The following LINGO2 variants were observed in gnomAD, a reference collection of about 807,000 sequenced individuals.
LINGO2 encodes the protein leucine rich repeat and Ig domain containing 2.
A neutral mutation model predicts 30.6 loss-of-function variants in LINGO2; 14 were observed. That is an observed-to-expected ratio of 0.46 (90% CI 0.30 to 0.72). LINGO2 has a LOEUF of 0.72. Ranked by LOEUF, LINGO2 falls within the 30% of genes least tolerant of loss-of-function variation. The pLI is 0.07. For missense variants in LINGO2, 729 were observed against 751.7 expected, an observed-to-expected ratio of 0.97 and a Z score of 0.35; for synonymous variants, 317 against 288.5, an observed-to-expected ratio of 1.10 and a Z score of -1.00.
At position 28,046,839 on chromosome 9, in the gene LINGO2, C is replaced by T. The variant is rs79411355; in HGVS notation, c.-86-34434G>A. On this transcript the variant is annotated intron_variant, in intron 4 of 5. Transcript: ENST00000379992. Reference sequence around the variant, plus strand: ...CATTGTTGATGTTGATCCACTGGGACTATCACCTTCCATAAACTGACGTGT... The same window carrying T: ...CATTGTTGATGTTGATCCACTGGGATTATCACCTTCCATAAACTGACGTGT... 3.7e-3 allele frequency among the ~76,000 whole-genome samples: 567 copies of T among 152,240 alleles called. 26 individuals are homozygous for T. In the East Asian group the frequency reaches 0.082, roughly 22 times the overall value.
At chr9:28,332,673 T>C (rs1331983526) in intron 3 of LINGO2, among the ~76,000 whole-genome samples, 2 of 151,798 alleles carry the variant, frequency 1.3e-5, no homozygotes, top group Admixed American at 6.6e-5. Context: ...ATCTGACTGG[T>C]TCCTCTCATG....
At chr9:29,183,707 C>T in the LINGO2 span, among the ~76,000 whole-genome samples, 4 of 152,058 alleles carry the variant, frequency 2.6e-5, no homozygotes, top group African/African-American at 4.8e-5. Flanking sequence ...TCCTCTGCTG[C>T]TATTCAATGC....
chr9:28,374,935 G>A (rs572414827), intron 2 of LINGO2, among the ~76,000 whole-genome samples: 1 of 152,138 alleles, frequency 6.6e-6, no homozygotes, highest in East Asian at 1.9e-4. Context: ...AAAAAGATAA[G>A]GACAAAGTAT....
At chr9:28,870,814 T>G in the LINGO2 span, among the ~76,000 whole-genome samples, 1 of 152,094 alleles carries the variant, frequency 6.6e-6, no homozygotes, top group Non-Finnish European at 1.5e-5. Context: ...ATGCTTCACT[T>G]AATTTATATT....
At chr9:28,275,244 A>AT (rs919360951) in intron 4 of LINGO2, among the ~76,000 whole-genome samples, 50 of 148,434 alleles carry the variant, frequency 3.4e-4, no homozygotes, top group African/African-American at 8.2e-4. Flanking sequence ...AATTTTTTGT[A>AT]TTTTTTTTTT....
the LINGO2 span, among the ~76,000 whole-genome samples, chr9:29,067,128 G>A: frequency 6.6e-6 from 1 of 151,770 alleles, no homozygotes; most frequent in Non-Finnish European, 1.5e-5. Flanking sequence ...TTTTTGAAAA[G>A]TCAAGTATTA....
chr9:29,051,187 G>A, the LINGO2 span, among the ~76,000 whole-genome samples: 3 of 152,076 alleles, frequency 2.0e-5, no homozygotes, highest in Non-Finnish European at 4.4e-5. Flanking sequence ...TTCAGTCATG[G>A]TGTTATACAT....
At chr9:28,598,487 AAAG>A (rs913393848) in intron 1 of LINGO2, among the ~76,000 whole-genome samples, 10 of 152,060 alleles carry the variant, frequency 6.6e-5, no homozygotes, top group Non-Finnish European at 1.2e-4. Flanking sequence ...GCTTATTTTA[AAAG>A]AAGATTTCCA....
In LINGO2 at chr9:28,436,457, TA is replaced by T; in HGVS notation, c.-279+39482del. On this transcript the variant is annotated intron_variant, in intron 2 of 5. Transcript: ENST00000379992. The stretch of plus-strand genomic sequence containing the variant: ...TTATTTATTTATTTATTTATTTATT[TA>T]TTTATTTATTTATTTTTGAGATGGA... 2.0e-5 allele frequency among the ~76,000 whole-genome samples: 3 copies of T among 148,526 alleles called. No homozygotes were observed. In the South Asian group the frequency reaches 6.3e-4, roughly 31 times the overall value.
chr9:28,613,015 G>A (rs1184327854), intron 1 of LINGO2, among the ~76,000 whole-genome samples: 1 of 152,040 alleles, frequency 6.6e-6, no homozygotes, highest in Non-Finnish European at 1.5e-5. Flanking sequence ...GAGATCTGTT[G>A]ATTTTATAAG....
chr9:28,428,778 G>T (rs1460217280), intron 2 of LINGO2, among the ~76,000 whole-genome samples: 1 of 152,144 alleles, frequency 6.6e-6, no homozygotes, highest in Non-Finnish European at 1.5e-5. Flanking sequence ...AGTTATGAAT[G>T]ACTTTTGACA....
chr9:28,494,823 C>T lies in LINGO2; in HGVS notation c.-364-18798G>A, dbSNP rs555967616. Among the ~76,000 whole-genome samples, 18 of 152,318 alleles carry T rather than the reference C, an allele frequency of 1.2e-4. 1 individual carries two copies. Among genetic ancestry groups the T allele is most frequent in the African/African-American group, 3.6e-4 (15 of 41,564 alleles). ...CTTCCACAATGGTTGAACAACTTTA[C>T]AGTCCCACCAACAGTGTAAAAGTGT... On this transcript the variant is annotated intron_variant, in intron 1 of 5. Transcript: ENST00000379992.
At chr9:28,746,274 C>A in the LINGO2 span, among the ~76,000 whole-genome samples, 1 of 151,802 alleles carries the variant, frequency 6.6e-6, no homozygotes, top group Non-Finnish European at 1.5e-5. Flanking sequence ...AACAGCTATT[C>A]TTTAAAAGGC....
rs1823537636 is a variant in LINGO2, at chr9:28,287,055, GTTAAGTC to G, written c.-87+8146_-87+8152del. Reference sequence around the variant, plus strand: ...ACCTGAGTATGTATGGGGCTCTGGGGTTAAGTCTTAAGGAAGAAAGACAAAGGCCCTG... The same window carrying G: ...ACCTGAGTATGTATGGGGCTCTGGGGTTAAGGAAGAAAGACAAAGGCCCTG... On this transcript the variant is annotated intron_variant, in intron 4 of 5. Coordinates refer to ENST00000379992, the Ensembl canonical transcript of LINGO2. Among the ~76,000 whole-genome samples, 6 of 152,128 alleles carry G rather than the reference GTTAAGTC, an allele frequency of 3.9e-5. No homozygotes were observed. In the South Asian group the frequency reaches 1.2e-3, roughly 31 times the overall value.
chr9:28,660,753 A>G (rs1828553301), intron 1 of LINGO2, among the ~76,000 whole-genome samples: 1 of 152,100 alleles, frequency 6.6e-6, no homozygotes, highest in East Asian at 1.9e-4. Context: ...TACCCATCAT[A>G]TATTTTAAAA....
the LINGO2 span, among the ~76,000 whole-genome samples, chr9:28,851,951 G>A: frequency 6.6e-6 from 1 of 151,684 alleles, no homozygotes; most frequent in Non-Finnish European, 1.5e-5. Flanking sequence ...GACAATACTA[G>A]TCCTCCTCTA....
intron 4 of LINGO2, among the ~76,000 whole-genome samples, chr9:28,183,912 G>A (rs931944260): frequency 6.6e-6 from 1 of 152,212 alleles, no homozygotes. Flanking sequence ...ATATGTTGCA[G>A]CCTCCTTCTC....
At chr9:28,691,520 C>T in the LINGO2 span, among the ~76,000 whole-genome samples, 2 of 152,060 alleles carry the variant, frequency 1.3e-5, no homozygotes, top group South Asian at 4.1e-4. Context: ...AACCTTATAT[C>T]ATAATCACTG....
chr9:29,008,968 CA>C, the LINGO2 span, among the ~76,000 whole-genome samples: 38 of 152,130 alleles, frequency 2.5e-4, no homozygotes, highest in African/African-American at 8.7e-4. Context: ...AAAAGGCCTT[CA>C]AAAAAATTCA....
Sources: gnomAD v4.1 joint callset for allele counts (sites outside exome capture counted in the v4.1 genomes callset) on GRCh38, gnomAD v4.1.1 for gene constraint, MANE v1.5 for transcripts, NCBI Gene and HGNC (gene_info 2026-07-23, HGNC 2026-07-21) for gene names.